TANC1: variants seen among roughly 807,000 people sequenced by gnomAD.
TANC1 encodes protein TANC1.
In TANC1, 77 loss-of-function variants were observed where a neutral mutation model predicts 149.7. That is an observed-to-expected ratio of 0.51 (90% CI 0.43 to 0.62). The LOEUF (loss-of-function observed/expected upper bound fraction) is 0.62. Among genes scored for constraint, TANC1 ranks in the 20% least tolerant of loss-of-function variants. TANC1 has a pLI of 0.00. For missense variants in TANC1, 1,985 were observed against 2,321.8 expected, an observed-to-expected ratio of 0.85 and a Z score of 2.98; for synonymous variants, 854 against 925.0, an observed-to-expected ratio of 0.92 and a Z score of 1.39.
At chr2:159,133,073 G>A (rs2050268819) in intron 4 of TANC1, among the ~76,000 whole-genome samples, 1 of 152,172 alleles carries the variant, frequency 6.6e-6, no homozygotes, top group Non-Finnish European at 1.5e-5. Context: ...TCTTGGGTAG[G>A]TAGATTGGAG....
intron 2 of TANC1, among the ~76,000 whole-genome samples, chr2:159,036,094 A>G (rs1334695830): frequency 1.3e-5 from 2 of 152,118 alleles, no homozygotes; most frequent in African/African-American, 4.8e-5. Context: ...GGTGTGCTTT[A>G]TGAAAGGAGA....
intron 3 of TANC1, among the ~76,000 whole-genome samples, chr2:159,083,941 CA>C (rs1016629654): frequency 6.6e-6 from 1 of 151,020 alleles, no homozygotes; most frequent in African/African-American, 2.4e-5. Context: ...AAGATGCATA[CA>C]AATAAGATAT....
intron 17 of TANC1, among the ~76,000 whole-genome samples, chr2:159,196,282 A>T (rs1332208825): frequency 6.6e-6 from 1 of 152,190 alleles, no homozygotes; most frequent in East Asian, 1.9e-4. Context: ...AAATACAGGG[A>T]TTTGTCCGAG....
At chr2:159,118,869 GA>G (rs2048565466) in intron 4 of TANC1, among the ~76,000 whole-genome samples, 2 of 152,222 alleles carry the variant, frequency 1.3e-5, no homozygotes, top group South Asian at 4.2e-4. Context: ...TAGAAAAGAA[GA>G]AACACTTTAA....
intron 1 of TANC1, among the ~76,000 whole-genome samples, chr2:158,993,248 TTGTTTTGTTTTTTGTTC>T (rs1383745804): frequency 2.0e-5 from 3 of 151,530 alleles, no homozygotes; most frequent in African/African-American, 4.9e-5. Flanking sequence ...TGGCAGTGTT[TTGTTTTGTTTTTTGTTC>T]TGTTTTGTTT....
chr2:159,099,341 T>G (rs763678466), intron 4 of TANC1, among the ~76,000 whole-genome samples: 8 of 152,150 alleles, frequency 5.3e-5, no homozygotes, highest in Admixed American at 4.6e-4. Context: ...GTCACATTTC[T>G]TCTCTTCCTT....
intron 20 of TANC1, among the ~76,000 whole-genome samples, chr2:159,218,337 G>A (rs2059477826): frequency 6.6e-6 from 1 of 152,212 alleles, no homozygotes; most frequent in Non-Finnish European, 1.5e-5. Flanking sequence ...AGTGCTTCCT[G>A]GCAGGATTCT....
chr2:159,020,419 C>T (rs1019041834), intron 2 of TANC1, among the ~76,000 whole-genome samples: 1 of 152,144 alleles, frequency 6.6e-6, no homozygotes, highest in African/African-American at 2.4e-5. Flanking sequence ...AGCCACTGCA[C>T]CTGGCCTTAG....
chr2:159,199,110 A>AT, intron 19 of TANC1, 57 bp downstream of exon 19: 1 of 1,379,764 alleles, frequency 7.2e-7, no homozygotes, highest in South Asian at 1.2e-5. Context: ...TTTTAGCCCT[A>AT]TTTTGGCCTA....
At chr2:159,130,615 G>T (rs2049977207) in intron 4 of TANC1, among the ~76,000 whole-genome samples, 1 of 152,334 alleles carries the variant, frequency 6.6e-6, no homozygotes, top group Admixed American at 6.5e-5. Context: ...AGCCTGCTTA[G>T]CTGCCCACAT....
intron 4 of TANC1, among the ~76,000 whole-genome samples, chr2:159,106,130 TTTACA>T (rs2149987724): frequency 6.6e-6 from 1 of 152,322 alleles, no homozygotes; most frequent in East Asian, 1.9e-4. Context: ...TGAGATATAA[TTTACA>T]TACCACATAA....
intron 22 of TANC1, among the ~76,000 whole-genome samples, chr2:159,223,490 A>G (rs1346303789): frequency 1.3e-5 from 2 of 152,022 alleles, no homozygotes; most frequent in African/African-American, 4.8e-5. Flanking sequence ...AGTTAGTGTC[A>G]TTTTGAATAA....
intron 22 of TANC1, among the ~76,000 whole-genome samples, chr2:159,221,830 TA>T (rs2059727679): frequency 6.6e-6 from 1 of 152,256 alleles, no homozygotes; most frequent in Non-Finnish European, 1.5e-5. Context: ...AAAACCTTGA[TA>T]AACTGAGAAC....
intron 2 of TANC1, among the ~76,000 whole-genome samples, chr2:159,013,857 T>A (rs1291856473): frequency 7.2e-5 from 11 of 152,178 alleles, no homozygotes; most frequent in Admixed American, 7.2e-4. Flanking sequence ...AAGTCCCAGA[T>A]CAAGCTGTTG....
chr2:159,232,350 T>A lies in TANC1; in HGVS notation c.*1338T>A, dbSNP rs1215388936. ...GGGATGTGAAATTTATTTTCTAAAA[T>A]TGAGGAGAAGGAAGTTATATATTTG... On this transcript the variant is annotated 3_prime_UTR_variant, in exon 27 of 27. Transcript: ENST00000263635. 1 of 152,620 alleles carries A rather than the reference T, an allele frequency of 6.6e-6. No homozygotes were observed. The highest frequency in any genetic ancestry group is 1.5e-5 in the Non-Finnish European group (1 of 67,996). The allele number at this position is 152,620 out of a possible 1,614,324, so 9.5% of individuals were successfully genotyped here. A position where few individuals can be genotyped will look rare whatever the true frequency, so the allele number is the denominator to read the frequency against.
chr2:159,073,322 G>T (rs1344015347), intron 3 of TANC1, among the ~76,000 whole-genome samples: 1 of 152,156 alleles, frequency 6.6e-6, no homozygotes, highest in Admixed American at 6.6e-5. Flanking sequence ...TACATGTAAG[G>T]CCCAAGCTGG....
intron 1 of TANC1, among the ~76,000 whole-genome samples, chr2:158,984,269 A>G (rs1559099806): frequency 6.6e-6 from 1 of 152,228 alleles, no homozygotes; most frequent in Admixed American, 6.5e-5. Context: ...GCCAGGAGGA[A>G]TCAAAGGGTG....
intron 2 of TANC1, among the ~76,000 whole-genome samples, chr2:159,018,308 T>TA (rs1459269766): frequency 1.3e-5 from 2 of 152,166 alleles, no homozygotes; most frequent in African/African-American, 4.8e-5. Flanking sequence ...GCACAGCTGT[T>TA]AAAATAGTTA....
At chr2:159,217,653 C>T (rs2059431771) in intron 20 of TANC1, 23 bp downstream of exon 20, 5 of 1,612,672 alleles carry the variant, frequency 3.1e-6, no homozygotes, top group Non-Finnish European at 4.2e-6. Flanking sequence ...CCCCTGAATG[C>T]TTCAGAAGCA....
Sources: gnomAD v4.1 joint callset for allele counts (sites outside exome capture counted in the v4.1 genomes callset) on GRCh38, gnomAD v4.1.1 for gene constraint, MANE v1.5 for transcripts, NCBI Gene and HGNC (gene_info 2026-07-23, HGNC 2026-07-21) for gene names.